The following UNC5A variants were observed in gnomAD, a reference collection of about 807,000 sequenced individuals.
UNC5A encodes unc-5 netrin receptor A.
Under a neutral mutation model 87.4 loss-of-function variants are expected in UNC5A, and 20 were observed. The observed-to-expected ratio is 0.23, with a 90% CI of 0.16 to 0.33. The LOEUF (loss-of-function observed/expected upper bound fraction) is 0.33. Among genes scored for constraint, UNC5A ranks in the 10% least tolerant of loss-of-function variants. UNC5A has a pLI of 1.00. For synonymous variants in UNC5A, 438 were observed against 482.3 expected (o/e 0.91, Z 1.20); for missense variants, 844 against 1,133.4 (o/e 0.74, Z 3.67).
At chr5:176,817,170 G>C (rs1756609057) in intron 1 of UNC5A, among the ~76,000 whole-genome samples, 1 of 152,154 alleles carries the variant, frequency 6.6e-6, no homozygotes, top group South Asian at 2.1e-4. Flanking sequence ...CACCCTGACT[G>C]GTGGGGCCCC....
chr5:176,819,067 G>A (rs1010796250), intron 1 of UNC5A, among the ~76,000 whole-genome samples: 5 of 152,200 alleles, frequency 3.3e-5, no homozygotes, highest in Admixed American at 6.5e-5. Context: ...TCCTTCTGGG[G>A]CCGCACAGGT....
intron 1 of UNC5A, among the ~76,000 whole-genome samples, chr5:176,847,298 A>G (rs2113630413): frequency 6.6e-6 from 1 of 152,176 alleles, no homozygotes; most frequent in East Asian, 1.9e-4. Flanking sequence ...GGCCTCTGGG[A>G]CTGATGGGAG....
rs1486774955 is a variant in UNC5A, at chr5:176,869,817, C to T, written c.722-553C>T. ...CCACCGCCTCCCGCATCGTTCCTCA[C>T]CACGCCATCTCCGTGCCCTGGCTCC... On this transcript the variant is annotated intron_variant, in intron 5 of 14. Coordinates refer to ENST00000329542, the MANE Select transcript of UNC5A (RefSeq NM_133369.3). The surrounding 1 kb of genome is among the most constrained non-coding windows in gnomAD (Gnocchi z 9.1). 1 of 585,078 alleles carries T rather than the reference C, an allele frequency of 1.7e-6. No homozygotes were observed. The highest frequency in any genetic ancestry group is 3.1e-6 in the Non-Finnish European group (1 of 324,336). The allele number at this position is 585,078 out of a possible 1,614,324, so 36.2% of individuals were successfully genotyped here.
intron 1 of UNC5A, among the ~76,000 whole-genome samples, chr5:176,837,366 G>T (rs886241644): frequency 2.6e-5 from 4 of 152,204 alleles, no homozygotes; most frequent in Admixed American, 6.5e-5. Flanking sequence ...AGTGAATGCT[G>T]TTGGCTTGCA....
chr5:176,834,759 T>C (rs1213838275), intron 1 of UNC5A, among the ~76,000 whole-genome samples: 1 of 151,042 alleles, frequency 6.6e-6, no homozygotes, highest in Non-Finnish European at 1.5e-5. Context: ...TCTCTCTCCC[T>C]TTCCCTGGGT....
chr5:176,874,432 C>A lies in UNC5A; in HGVS notation c.1244C>A (p.Pro415His). 6.2e-7 allele frequency: 1 copy of A among 1,613,372 alleles called. No homozygotes were observed. The change falls in exon 8 of 15, where the codon CCC becomes CAC. Residue 415 changes from proline to histidine, a missense_variant. Pro to His is a moderately conservative substitution (Grantham distance 77, BLOSUM62 -2). Transcript: ENST00000329542. This position sits in a 1 kb window ranked among gnomAD's most constrained non-coding sequence, Gnocchi z 7.6. ...CGCCACACACTGCACCACAGCTCTC[C>A]CACCTCTGAGGCCGAGGAGTTCGTC... ...GGRHTLHHSS[P>H]TSEAEEFVSR...
intron 1 of UNC5A, among the ~76,000 whole-genome samples, chr5:176,853,315 G>A (rs921447323): frequency 3.9e-5 from 6 of 152,250 alleles, no homozygotes; most frequent in Non-Finnish European, 7.3e-5. Flanking sequence ...GCAGTGGCCG[G>A]GGCGGAGGAC....
At chr5:176,821,187 C>T (rs888540240) in intron 1 of UNC5A, among the ~76,000 whole-genome samples, 2 of 152,204 alleles carry the variant, frequency 1.3e-5, no homozygotes, top group East Asian at 1.9e-4. Context: ...ACAAGCCTCA[C>T]GCCGCTGCAC....
chr5:176,845,512 G>A (rs868285594), intron 1 of UNC5A, among the ~76,000 whole-genome samples: 9 of 152,250 alleles, frequency 5.9e-5, no homozygotes, highest in Admixed American at 2.0e-4. Flanking sequence ...GGCTTCCCCT[G>A]CTGGACGATG....
intron 8 of UNC5A, among the ~76,000 whole-genome samples, chr5:176,876,941 A>T (rs1010264868): frequency 6.6e-6 from 1 of 152,132 alleles, no homozygotes; most frequent in Non-Finnish European, 1.5e-5. Flanking sequence ...TCTGTCCCCA[A>T]GTTTTCTGTG....
rs74670465 is a variant in UNC5A, at chr5:176,827,628, G to A, written c.70+16808G>A. Among the ~76,000 whole-genome samples, 3 of 152,334 alleles carry A rather than the reference G, an allele frequency of 2.0e-5. No individual in the cohort carries two copies. In the East Asian group the frequency reaches 5.8e-4, roughly 29 times the overall value. On this transcript the variant is annotated intron_variant, in intron 1 of 14. Coordinates refer to ENST00000329542, the MANE Select transcript of UNC5A (RefSeq NM_133369.3). Reference sequence around the variant, plus strand: ...TTTGAACATTTGGGTACAAGTATCTGTTTAAAGACCTGTTTTCAGTTCTGT... The same window carrying A: ...TTTGAACATTTGGGTACAAGTATCTATTTAAAGACCTGTTTTCAGTTCTGT...
intron 1 of UNC5A, among the ~76,000 whole-genome samples, chr5:176,859,448 G>A (rs1364670679): frequency 6.7e-6 from 1 of 148,806 alleles, no homozygotes; most frequent in Non-Finnish European, 1.5e-5. Flanking sequence ...CCTTGCTAGA[G>A]GGCATAGCTG....
At chr5:176,832,888 G>GT (rs1757062369) in intron 1 of UNC5A, among the ~76,000 whole-genome samples, 1 of 152,214 alleles carries the variant, frequency 6.6e-6, no homozygotes, top group African/African-American at 2.4e-5. Context: ...GACTGACGAG[G>GT]CCATGACAGG....
chr5:176,863,172 A>C (rs1757883995), intron 2 of UNC5A, among the ~76,000 whole-genome samples: 1 of 152,272 alleles, frequency 6.6e-6, no homozygotes. Flanking sequence ...ACAGAGAGGC[A>C]GACAGCGGGG....
In UNC5A at chr5:176,869,228, G is replaced by A. The variant is rs943598500; in HGVS notation, c.721+264G>A. 3.9e-5 allele frequency among the ~76,000 whole-genome samples: 6 copies of A among 152,150 alleles called. No individual in the cohort carries two copies. The highest frequency in any genetic ancestry group is 1.4e-4 in the African/African-American group (6 of 41,452). Reference sequence around the variant, plus strand: ...GATGAGGGACAGGATGGGAATCTAGGAAAGGTGACAGGCTGTCCCCACTCC... The same window carrying A: ...GATGAGGGACAGGATGGGAATCTAGAAAAGGTGACAGGCTGTCCCCACTCC... On this transcript the variant is annotated intron_variant, in intron 5 of 14. Transcript: ENST00000329542. The surrounding 1 kb of genome is among the most constrained non-coding windows in gnomAD (Gnocchi z 9.1).
rs1757876317 is a variant in UNC5A at position 176,862,855 on chromosome 5, A to G, written c.292+10A>G. 5.0e-6 allele frequency: 8 copies of G among 1,611,940 alleles called. No individual in the cohort carries two copies. Among genetic ancestry groups the G allele is most frequent in the Non-Finnish European group, 5.1e-6 (6 of 1,179,592 alleles). On this transcript the variant is annotated intron_variant, in intron 2 of 14. Coordinates refer to ENST00000329542, the MANE Select transcript of UNC5A (RefSeq NM_133369.3). ...ACAGACGGGAGCAGTGGTGAGCCGC[A>G]TGGGGCGCCAGGCAGGGCCAATCCG...
intron 13 of UNC5A, 45 bp downstream of exon 13, chr5:176,878,684 C>A (rs770655728): frequency 1.1e-5 from 17 of 1,576,308 alleles, no homozygotes; most frequent in Non-Finnish European, 1.5e-5. Flanking sequence ...GCTCCCACTA[C>A]CAACTCCCCA....
At chr5:176,849,249 G>T (rs1240949347) in intron 1 of UNC5A, among the ~76,000 whole-genome samples, 2 of 152,158 alleles carry the variant, frequency 1.3e-5, no homozygotes, top group Non-Finnish European at 2.9e-5. Flanking sequence ...TAAATGGGAG[G>T]TTTCACATAA....
rs569319684 is a variant in UNC5A at position 176,850,387 on chromosome 5, C to T, written c.71-12237C>T. Reference sequence around the variant, plus strand: ...TAGCGAGGTTGAGGACGGCACTGAGCTAGGAGGTAGCCAAGGGAAGGCACA... The same window carrying T: ...TAGCGAGGTTGAGGACGGCACTGAGTTAGGAGGTAGCCAAGGGAAGGCACA... On this transcript the variant is annotated intron_variant, in intron 1 of 14. Transcript: ENST00000329542. 1.6e-4 allele frequency among the ~76,000 whole-genome samples: 24 copies of T among 152,078 alleles called. No individual in the cohort carries two copies. The South Asian group carries it at 4.8e-3, about 30-fold the overall frequency.
Sources: allele counts gnomAD v4.1 joint callset (sites outside exome capture counted in the v4.1 genomes callset), GRCh38; gene constraint gnomAD v4.1.1; non-coding constraint Gnocchi (gnomAD v3.1); transcripts MANE v1.5; gene names NCBI Gene and HGNC (gene_info 2026-07-23, HGNC 2026-07-21).